ANO2: variants seen among roughly 807,000 people sequenced by gnomAD.
The protein encoded by ANO2 is anoctamin 2, also known as anoctamin-2.
ANO2 carries 101 observed loss-of-function variants against 124.2 expected under a neutral mutation model. The observed-to-expected ratio is 0.81, with a 90% CI of 0.69 to 0.96. The LOEUF (loss-of-function observed/expected upper bound fraction) is 0.96. ANO2 is among the 40% of genes least tolerant of loss of function. The pLI, the probability that ANO2 is intolerant of heterozygous loss-of-function variation, is 0.00. For synonymous variants in ANO2, 486 were observed against 482.5 expected (o/e 1.01, Z -0.09); for missense variants, 1,293 against 1,274.5 (o/e 1.01, Z -0.22).
At chr12:5,726,150 AT>A (rs1038969154) in intron 14 of ANO2, among the ~76,000 whole-genome samples, 1 of 152,024 alleles carries the variant, frequency 6.6e-6, no homozygotes, top group Non-Finnish European at 1.5e-5. Flanking sequence ...AAAAAAAAAA[AT>A]CCACGCTATT....
At chr12:5,899,688 G>A (rs1379429631) in intron 3 of ANO2, among the ~76,000 whole-genome samples, 1 of 152,216 alleles carries the variant, frequency 6.6e-6, no homozygotes, top group African/African-American at 2.4e-5. Context: ...CTGCAAACCA[G>A]GGATGCAAAG....
chr12:5,619,371 T>A lies in ANO2; in HGVS notation c.1817-4074A>T, dbSNP rs376504563. Among the ~76,000 whole-genome samples, 19 of 152,336 alleles carry A rather than the reference T, an allele frequency of 1.2e-4. No individual in the cohort carries two copies. In the South Asian group the frequency reaches 1.4e-3, roughly 12 times the overall value. ...TACAGATTTTAATATTAAAAATTCA[T>A]CTATAGCAAGGGTTATTGCAGGAAG... On this transcript the variant is annotated intron_variant, in intron 16 of 24. Coordinates refer to ENST00000682330, the MANE Select transcript of ANO2 (RefSeq NM_001364791.2).
At chr12:5,860,531 T>C (rs1487772032) in intron 3 of ANO2, among the ~76,000 whole-genome samples, 1 of 152,236 alleles carries the variant, frequency 6.6e-6, no homozygotes, top group Non-Finnish European at 1.5e-5. Context: ...TTGGATCCTG[T>C]GACCAATCTC....
At chr12:5,604,951 C>T (rs1485983510) in intron 19 of ANO2, among the ~76,000 whole-genome samples, 1 of 151,054 alleles carries the variant, frequency 6.6e-6, no homozygotes, top group East Asian at 2.0e-4. Flanking sequence ...TTTTTAATGA[C>T]AAGTCTCAGA....
intron 3 of ANO2, among the ~76,000 whole-genome samples, chr12:5,860,313 C>T (rs554527535): frequency 7.9e-5 from 12 of 152,306 alleles, no homozygotes; most frequent in African/African-American, 2.9e-4. Flanking sequence ...CTTCACAGCA[C>T]GGACCCACTA....
At chr12:5,929,772 C>T (rs1565790226) in intron 1 of ANO2, among the ~76,000 whole-genome samples, 1 of 150,056 alleles carries the variant, frequency 6.7e-6, no homozygotes, top group Non-Finnish European at 1.5e-5. Context: ...TACGAGTCTA[C>T]CTTCCTTCCT....
In ANO2 at chr12:5,877,800, C is replaced by T. The variant is rs536780315; in HGVS notation, c.535-23659G>A. 5.9e-5 allele frequency among the ~76,000 whole-genome samples: 9 copies of T among 152,276 alleles called. 1 individual carries two copies. Among genetic ancestry groups the T allele is most frequent in the African/African-American group, 1.7e-4 (7 of 41,556 alleles). ...GCATTAGTTAAATTCTCATAAGGAA[C>T]GCACAACCTAGATTCCTAGCATGTG... On this transcript the variant is annotated intron_variant, in intron 3 of 24. Coordinates refer to ENST00000682330, the MANE Select transcript of ANO2 (RefSeq NM_001364791.2).
Position 5,639,258 on chromosome 12 carries a change from C to T in ANO2, c.1621-3911G>A, listed in dbSNP as rs111463436. ...TAGCTCAAGTATAAAAATACAGGCACGCGCACACACTAGCAACTTCATCAT... is the reference window on the plus strand; with the variant it reads ...TAGCTCAAGTATAAAAATACAGGCATGCGCACACACTAGCAACTTCATCAT... On this transcript the variant is annotated intron_variant, in intron 15 of 24. Transcript: ENST00000682330. 4.3e-3 allele frequency among the ~76,000 whole-genome samples: 653 copies of T among 152,286 alleles called. 8 individuals are homozygous for T. Among genetic ancestry groups the T allele is most frequent in the African/African-American group, 0.015 (620 of 41,544 alleles).
chr12:5,735,121 A>G (rs1428373329), intron 13 of ANO2, among the ~76,000 whole-genome samples: 1 of 152,080 alleles, frequency 6.6e-6, no homozygotes, highest in Non-Finnish European at 1.5e-5. Context: ...AAATTGGACA[A>G]CTGAGCTCCT....
intron 19 of ANO2, among the ~76,000 whole-genome samples, chr12:5,601,804 G>T (rs371690931): frequency 1.4e-4 from 22 of 152,354 alleles, no homozygotes; most frequent in African/African-American, 5.3e-4. Flanking sequence ...GAATATAGTA[G>T]TGTGTGAGGA....
chr12:5,759,068 A>G (rs1190404911), intron 10 of ANO2, among the ~76,000 whole-genome samples: 1 of 151,900 alleles, frequency 6.6e-6, no homozygotes, highest in Non-Finnish European at 1.5e-5. Context: ...TCTATCACAC[A>G]TGTAATTAGA....
chr12:5,938,087 C>A (rs754059937), intron 1 of ANO2, among the ~76,000 whole-genome samples: 1 of 152,228 alleles, frequency 6.6e-6, no homozygotes, highest in Non-Finnish European at 1.5e-5. Flanking sequence ...TGTGAAGCCT[C>A]ACTCTTAGCC....
chr12:5,605,477 G>A (rs140082455), intron 19 of ANO2, among the ~76,000 whole-genome samples: 232 of 152,248 alleles, frequency 1.5e-3, no homozygotes, highest in African/African-American at 4.9e-3. Context: ...CATTTTGACC[G>A]TGGCAGTATT....
chr12:5,828,243 C>A (rs1404271659), intron 6 of ANO2, among the ~76,000 whole-genome samples: 1 of 152,004 alleles, frequency 6.6e-6, no homozygotes. Flanking sequence ...TTCTGTCTGG[C>A]GGGTCCCGGG....
At chr12:5,634,728 C>A (rs563572083) in intron 16 of ANO2, among the ~76,000 whole-genome samples, 1 of 152,262 alleles carries the variant, frequency 6.6e-6, no homozygotes, top group South Asian at 2.1e-4. Flanking sequence ...ACCAGTAAGA[C>A]CCTCTTGGGC....
At chr12:5,648,028 T>C (rs1946734629) in intron 14 of ANO2, among the ~76,000 whole-genome samples, 1 of 152,188 alleles carries the variant, frequency 6.6e-6, no homozygotes, top group Non-Finnish European at 1.5e-5. Context: ...CAAGATTTGA[T>C]TTCAGCCTCA....
chr12:5,761,475 C>T (rs1951744328), intron 10 of ANO2, among the ~76,000 whole-genome samples: 1 of 152,094 alleles, frequency 6.6e-6, no homozygotes, highest in African/African-American at 2.4e-5. Context: ...TAACTTATCC[C>T]ATGTGCAAAA....
chr12:5,668,957 T>C (rs1047584694), intron 14 of ANO2, among the ~76,000 whole-genome samples: 6 of 152,128 alleles, frequency 3.9e-5, no homozygotes, highest in African/African-American at 1.4e-4. Context: ...AGCCTTGTAG[T>C]ACAGTTTGAA....
At chr12:5,697,003 T>C (rs1949209904) in intron 14 of ANO2, among the ~76,000 whole-genome samples, 1 of 152,218 alleles carries the variant, frequency 6.6e-6, no homozygotes. Context: ...AAATATCCTA[T>C]GTACCAGTAA....
Sources: gnomAD v4.1 joint callset for allele counts (sites outside exome capture counted in the v4.1 genomes callset) on GRCh38, gnomAD v4.1.1 for gene constraint, MANE v1.5 for transcripts, NCBI Gene and HGNC (gene_info 2026-07-23, HGNC 2026-07-21) for gene names.